Variants in AGTPBP1 observed in about 807,000 individuals in gnomAD.
AGTPBP1 encodes cytosolic carboxypeptidase 1.
Under a neutral mutation model 143.9 loss-of-function variants are expected in AGTPBP1, and 70 were observed. That is an observed-to-expected ratio of 0.49 (90% CI 0.40 to 0.59). AGTPBP1 has a LOEUF of 0.59. Among genes scored for constraint, AGTPBP1 ranks in the 20% least tolerant of loss-of-function variants. The probability of loss-of-function intolerance (pLI) is 0.00; values close to 1 mark genes in which losing one functional copy is unlikely to be tolerated. For missense variants in AGTPBP1, 1,229 were observed against 1,464.5 expected, an observed-to-expected ratio of 0.84 and a Z score of 2.62; for synonymous variants, 463 against 500.2, an observed-to-expected ratio of 0.93 and a Z score of 0.99.
chr9:85,578,735 G>C (rs900513637), intron 24 of AGTPBP1, among the ~76,000 whole-genome samples, 185 bp downstream of exon 24: 7 of 152,036 alleles, frequency 4.6e-5, no homozygotes, highest in African/African-American at 1.7e-4. Flanking sequence ...GTTCAGAGAA[G>C]TAAAGAAACC....
chr9:85,546,867 A>C lies in AGTPBP1; in HGVS notation c.*242T>G. 3.4e-6 allele frequency: 1 copy of C among 296,342 alleles called. No homozygotes were observed. 18.4% of individuals were successfully genotyped at this position (296,342 alleles called of 1,614,324 possible). ...AATGATACTCAGGTTTTTTTTTTAA[A>C]GGTAAATCCAATATTTGATCATTCA... On this transcript the variant is annotated 3_prime_UTR_variant, in exon 26 of 26. Coordinates refer to ENST00000357081, the MANE Select transcript of AGTPBP1 (RefSeq NM_001330701.2).
intron 2 of AGTPBP1, among the ~76,000 whole-genome samples, chr9:85,700,890 C>T (rs1405424855): frequency 1.3e-5 from 2 of 152,148 alleles, no homozygotes; most frequent in Non-Finnish European, 2.9e-5. Flanking sequence ...TAAACTAATA[C>T]ATAGCTATAT....
chr9:85,652,529 C>T (rs1310187770), intron 11 of AGTPBP1, among the ~76,000 whole-genome samples: 3 of 152,004 alleles, frequency 2.0e-5, no homozygotes, highest in South Asian at 4.2e-4. Context: ...AAAAAAACAA[C>T]ACACCACTCA....
At chr9:85,672,448 C>T (rs1834545791) in intron 7 of AGTPBP1, 102 bp downstream of exon 7, 3 of 1,330,202 alleles carry the variant, frequency 2.3e-6, no homozygotes, top group East Asian at 2.4e-5. Context: ...CTTCTCTTTC[C>T]TTTTTCACAA....
chr9:85,782,685 T>C, the AGTPBP1 span, among the ~76,000 whole-genome samples: 3 of 152,196 alleles, frequency 2.0e-5, no homozygotes, highest in Admixed American at 2.0e-4. Context: ...GAACAGTAAC[T>C]ATAACACAGT....
At chr9:85,724,563 T>C (rs200622844) in intron 1 of AGTPBP1, among the ~76,000 whole-genome samples, 8 of 152,208 alleles carry the variant, frequency 5.3e-5, no homozygotes, top group Admixed American at 3.9e-4. Flanking sequence ...TTTATCACCA[T>C]TGTTTACTAC....
intron 18 of AGTPBP1, among the ~76,000 whole-genome samples, chr9:85,593,863 A>G (rs766754407): frequency 6.6e-6 from 1 of 152,226 alleles, no homozygotes; most frequent in Non-Finnish European, 1.5e-5. Context: ...ATGCTGACTT[A>G]AAGATGCTCT....
At chr9:85,781,154 G>C in the AGTPBP1 span, 1 of 1,461,868 alleles carries the variant, frequency 6.8e-7, no homozygotes, top group Non-Finnish European at 9.0e-7. Flanking sequence ...ACATAATTTT[G>C]CATCATTTAT....
chr9:85,620,212 G>A (rs570804131), intron 15 of AGTPBP1, among the ~76,000 whole-genome samples: 90 of 152,124 alleles, frequency 5.9e-4, no homozygotes, highest in Admixed American at 5.5e-3. Context: ...GGAAGTTCGA[G>A]ACCATCCTGG....
intron 2 of AGTPBP1, among the ~76,000 whole-genome samples, chr9:85,700,315 A>G (rs1323671531): frequency 6.6e-6 from 1 of 152,194 alleles, no homozygotes; most frequent in African/African-American, 2.4e-5. Flanking sequence ...GCAAGTCAGC[A>G]GGAGACTCAA....
intron 2 of AGTPBP1, among the ~76,000 whole-genome samples, chr9:85,699,138 A>T (rs980600205): frequency 2.0e-5 from 3 of 152,028 alleles, no homozygotes; most frequent in Admixed American, 6.6e-5. Flanking sequence ...ATATTTTTTT[A>T]AATAATTTCA....
At chr9:85,734,067 C>T (rs1839064150) in intron 1 of AGTPBP1, among the ~76,000 whole-genome samples, 1 of 152,168 alleles carries the variant, frequency 6.6e-6, no homozygotes, top group South Asian at 2.1e-4. Context: ...GCCTGGCCAA[C>T]ATGGTGAAAC....
At chr9:85,695,336 A>G (rs1024256490) in intron 2 of AGTPBP1, among the ~76,000 whole-genome samples, 2 of 152,116 alleles carry the variant, frequency 1.3e-5, no homozygotes, top group African/African-American at 4.8e-5. Context: ...CTGGTTCTTA[A>G]ATGTTTGTTA....
At chr9:85,769,467 CT>C in the AGTPBP1 span, among the ~76,000 whole-genome samples, 4 of 144,770 alleles carry the variant, frequency 2.8e-5, no homozygotes, top group Non-Finnish European at 6.0e-5. Context: ...AGGAGGTTTG[CT>C]TGGGCCCAAG....
rs145049019 is a variant in AGTPBP1, at chr9:85,642,455, A to C, written c.1302+372T>G. On this transcript the variant is annotated intron_variant, in intron 13 of 25. Transcript: ENST00000357081. ...GCTATTCCCCTGCCTCAGCCTCCCA[A>C]GTAACTGGGACTGCAGGAACGTGCC... 8.4e-3 allele frequency among the ~76,000 whole-genome samples: 1,284 copies of C among 151,996 alleles called. 27 individuals carry two copies. Among genetic ancestry groups the C allele is most frequent in the Middle Eastern group, 0.027 (8 of 294 alleles).
chr9:85,672,533 GC>G lies in AGTPBP1; in HGVS notation c.568+16del, dbSNP rs1264321458. 6.9e-5 allele frequency: 110 copies of G among 1,602,100 alleles called. No homozygotes were observed. Among genetic ancestry groups the G allele is most frequent in the Non-Finnish European group, 9.2e-5 (108 of 1,176,200 alleles). On this transcript the variant is annotated intron_variant, in intron 7 of 25. Coordinates refer to ENST00000357081, the MANE Select transcript of AGTPBP1 (RefSeq NM_001330701.2). ...CTTTACAACACTGAGTTAACTAAAA[GC>G]CACCTAAATACTCACAGTTGGCAGA...
intron 11 of AGTPBP1, among the ~76,000 whole-genome samples, chr9:85,648,003 G>C (rs570102826): frequency 3.9e-5 from 6 of 152,242 alleles, no homozygotes; most frequent in Non-Finnish European, 5.9e-5. Flanking sequence ...CAGCATACGG[G>C]TGGAAGGTGA....
chr9:85,686,400 G>A (rs1347692193), intron 3 of AGTPBP1, among the ~76,000 whole-genome samples: 2 of 151,984 alleles, frequency 1.3e-5, no homozygotes, highest in African/African-American at 4.8e-5. Flanking sequence ...AAATCATCAG[G>A]AAGACACAAA....
At chr9:85,701,146 A>T (rs1836624145) in intron 2 of AGTPBP1, among the ~76,000 whole-genome samples, 1 of 152,064 alleles carries the variant, frequency 6.6e-6, no homozygotes, top group Non-Finnish European at 1.5e-5. Context: ...TCCTGGCCTC[A>T]AGTGATCCAC....
Sources: gnomAD v4.1 joint callset for allele counts (sites outside exome capture counted in the v4.1 genomes callset) on GRCh38, gnomAD v4.1.1 for gene constraint, MANE v1.5 for transcripts, NCBI Gene and HGNC (gene_info 2026-07-23, HGNC 2026-07-21) for gene names.